ADK: variants seen among roughly 807,000 people sequenced by gnomAD.
ADK encodes adenosine kinase.
A neutral mutation model predicts 44.7 loss-of-function variants in ADK; 24 were observed. The observed-to-expected ratio is 0.54, with a 90% CI of 0.39 to 0.76. The LOEUF is 0.76. Among genes scored for constraint, ADK ranks in the 30% least tolerant of loss-of-function variants. The probability of loss-of-function intolerance (pLI) is 0.00; values close to 1 mark genes in which losing one functional copy is unlikely to be tolerated. For synonymous variants in ADK, 128 were observed against 142.6 expected, an observed-to-expected ratio of 0.90 and a Z score of 0.73; for missense variants, 321 against 425.1, an observed-to-expected ratio of 0.76 and a Z score of 2.15.
intron 7 of ADK, among the ~76,000 whole-genome samples, chr10:74,553,150 C>T (rs1589241741): frequency 7.0e-6 from 1 of 143,034 alleles, no homozygotes; most frequent in Non-Finnish European, 1.5e-5. Context: ...TAGCAGCAAA[C>T]AGGCATGTTC....
intron 6 of ADK, among the ~76,000 whole-genome samples, chr10:74,458,650 T>C (rs1846047974): frequency 6.6e-6 from 1 of 152,182 alleles, no homozygotes; most frequent in South Asian, 2.1e-4. Context: ...GTAATGTAGA[T>C]CTAGTTTGAT....
rs554761544 is a variant in ADK at position 74,473,004 on chromosome 10, T to C, written c.556-52252T>C. ...AGATTTTGTTTGTTTGTTTTCATTT[T>C]TTTGAGATAGGGTCTCACTCTGCCA... is the stretch of plus-strand genomic sequence containing the variant. On this transcript the variant is annotated intron_variant, in intron 6 of 10. Transcript: ENST00000539909. Among the ~76,000 whole-genome samples the C allele has an allele frequency of 5.9e-5, 9 of 152,252 alleles. No individual in the cohort carries two copies. In the East Asian group the frequency reaches 9.6e-4, roughly 16 times the overall value.
At chr10:74,596,736 G>T (rs933388032) in intron 8 of ADK, among the ~76,000 whole-genome samples, 18 of 152,076 alleles carry the variant, frequency 1.2e-4, no homozygotes, top group Non-Finnish European at 1.9e-4. Context: ...TTGTAGAGAT[G>T]AAGTTTTACT....
chr10:74,353,711 AC>A (rs1276826171), intron 4 of ADK, among the ~76,000 whole-genome samples: 1 of 152,060 alleles, frequency 6.6e-6, no homozygotes, highest in Non-Finnish European at 1.5e-5. Flanking sequence ...TACTAAAAAT[AC>A]AAAAAATTAG....
Position 74,670,206 on chromosome 10 carries a change from G to T in ADK, c.901G>T (p.Val301Phe). 1 of 1,613,916 alleles carries T rather than the reference G, an allele frequency of 6.2e-7. No homozygotes were observed. Among genetic ancestry groups the T allele is most frequent in the Admixed American group, 1.7e-5 (1 of 60,022 alleles). ...ATESEVTAFA[V>F]LDQDQKEIID... The stretch of plus-strand genomic sequence containing the variant: ...AGAAAGTGAAGTCACTGCTTTTGCT[G>T]TCTTGGATCAAGACCAGAAAGAAAT... Residue 301 changes from valine (V) to phenylalanine (F), a missense_variant, in exon 10 of 11, where the codon GTC becomes TTC. Coordinates refer to ENST00000539909, the MANE Select transcript of ADK (RefSeq NM_006721.4).
chr10:74,582,508 A>T lies in ADK; in HGVS notation c.727-6774A>T, dbSNP rs569186696. ...TTTTTCCTAACTTAATTTGTTCTTT[A>T]GTTACCAGATTAAATATGCTTAAAA... On this transcript the variant is annotated intron_variant, in intron 7 of 10. Coordinates refer to ENST00000539909, the MANE Select transcript of ADK (RefSeq NM_006721.4). Among the ~76,000 whole-genome samples, 4 of 152,274 alleles carry T rather than the reference A, an allele frequency of 2.6e-5. No individual in the cohort carries two copies. In the East Asian group the frequency reaches 7.7e-4, roughly 29 times the overall value.
chr10:74,288,917 A>G (rs968264139), intron 3 of ADK, among the ~76,000 whole-genome samples: 1 of 152,222 alleles, frequency 6.6e-6, no homozygotes, highest in Non-Finnish European at 1.5e-5. Context: ...TTTGGAGAGT[A>G]TATGAAAAGT....
chr10:74,223,005 G>C (rs1330180231), intron 2 of ADK, among the ~76,000 whole-genome samples: 1 of 151,964 alleles, frequency 6.6e-6, no homozygotes, highest in African/African-American at 2.4e-5. Context: ...AAAACTTAAA[G>C]TATAATAATA....
chr10:74,579,656 A>T (rs1851311644), intron 7 of ADK, among the ~76,000 whole-genome samples: 2 of 152,218 alleles, frequency 1.3e-5, no homozygotes. Context: ...AACTGAATGG[A>T]GACAAAGCCA....
In ADK at chr10:74,337,995, C is replaced by T. The variant is rs763956666; in HGVS notation, c.273+23250C>T. On this transcript the variant is annotated intron_variant, in intron 4 of 10. Transcript: ENST00000539909. ...CTACACTCCAGTCTGGGTGACAGAG[C>T]GAGACCCTGGCTTCAAGCAGTCCTC... Among the ~76,000 whole-genome samples the T allele has an allele frequency of 8.6e-5, 13 of 151,960 alleles. No homozygotes were observed. The East Asian group carries it at 9.7e-4, about 11-fold the overall frequency.
intron 1 of ADK, among the ~76,000 whole-genome samples, chr10:74,181,676 C>A (rs1842563033): frequency 6.6e-6 from 1 of 152,106 alleles, no homozygotes; most frequent in Non-Finnish European, 1.5e-5. Flanking sequence ...CTACTTAGAC[C>A]TAGTGGTAGA....
intron 6 of ADK, among the ~76,000 whole-genome samples, chr10:74,486,797 C>A (rs948854242): frequency 1.6e-4 from 24 of 152,204 alleles, no homozygotes; most frequent in African/African-American, 5.8e-4. Context: ...GAGAATTTGA[C>A]ATAACAAGTA....
intron 9 of ADK, among the ~76,000 whole-genome samples, chr10:74,629,353 T>G (rs1414087624): frequency 6.6e-6 from 1 of 152,146 alleles, no homozygotes; most frequent in Non-Finnish European, 1.5e-5. Context: ...AGGACTAGCT[T>G]AGAACTGTTA....
chr10:74,181,793 G>A (rs55646059), intron 1 of ADK, among the ~76,000 whole-genome samples: 5,814 of 152,200 alleles, frequency 0.038, 411 homozygotes, highest in African/African-American at 0.13. Context: ...CCTAACATCA[G>A]TGTCTAGTCT....
chr10:74,558,523 C>T (rs935971931), intron 7 of ADK, among the ~76,000 whole-genome samples: 1 of 152,124 alleles, frequency 6.6e-6, no homozygotes, highest in African/African-American at 2.4e-5. Context: ...CCTGCTCGTG[C>T]TCTCTGTCTC....
chr10:74,641,212 A>G (rs1853829632), intron 9 of ADK, among the ~76,000 whole-genome samples: 2 of 152,210 alleles, frequency 1.3e-5, no homozygotes, highest in South Asian at 4.1e-4. Flanking sequence ...ACCCTTTACT[A>G]TTTTATTTTT....
chr10:74,464,676 T>C (rs1357190551), intron 6 of ADK, among the ~76,000 whole-genome samples: 1 of 152,322 alleles, frequency 6.6e-6, no homozygotes, highest in African/African-American at 2.4e-5. Context: ...TAATTATTTT[T>C]ATTCAAGACA....
At chr10:74,434,056 A>G (rs966476698) in intron 6 of ADK, among the ~76,000 whole-genome samples, 3 of 152,168 alleles carry the variant, frequency 2.0e-5, no homozygotes, top group Non-Finnish European at 4.4e-5. Flanking sequence ...ACCCTTTTAC[A>G]TGACTTGAGA....
intron 9 of ADK, among the ~76,000 whole-genome samples, chr10:74,617,622 G>T (rs1243927841): frequency 6.6e-6 from 1 of 151,920 alleles, no homozygotes; most frequent in African/African-American, 2.4e-5. Context: ...TTGAGAGAGG[G>T]TCTCGTCTTG....
Sources: allele counts gnomAD v4.1 joint callset (sites outside exome capture counted in the v4.1 genomes callset), GRCh38; gene constraint gnomAD v4.1.1; transcripts MANE v1.5; gene names NCBI Gene and HGNC (gene_info 2026-07-23, HGNC 2026-07-21).